Variants in RP1 observed in about 807,000 individuals in gnomAD.
The protein encoded by RP1 is RP1 axonemal microtubule associated.
RP1 carries 16 observed loss-of-function variants against 14.8 expected under a neutral mutation model. The observed-to-expected ratio is 1.08, with a 90% CI of 0.73 to 1.65. The LOEUF (loss-of-function observed/expected upper bound fraction) is 1.65, where lower values mean the gene tolerates loss of function less well. Among genes scored for constraint, RP1 ranks in the 40% most tolerant of loss-of-function variants. RP1 has a pLI of 0.00. For synonymous variants in RP1, 876 were observed against 883.6 expected (o/e 0.99, Z 0.15); for missense variants, 2,631 against 2,535.0 (o/e 1.04, Z -0.81).
At chr8:54,755,642 T>C in exon 21 of RP1, 1 of 1,536,068 alleles carries the variant, frequency 6.5e-7, no homozygotes, top group Non-Finnish European at 8.7e-7. Flanking sequence ...GGTTGACGTC[T>C]ACACTGGGCA....
intron 19 of RP1, among the ~76,000 whole-genome samples, chr8:54,754,378 G>A (rs1411202519): frequency 6.6e-6 from 1 of 151,620 alleles, no homozygotes; most frequent in Non-Finnish European, 1.5e-5. Flanking sequence ...GAAATTGAGA[G>A]CTTTGAATCT....
chr8:54,706,367 C>A, intron 14 of RP1: 1 of 1,404,422 alleles, frequency 7.1e-7, no homozygotes, highest in Non-Finnish European at 9.6e-7. Context: ...AAGAGAATTG[C>A]CTCTATAGTT....
intron 4 of RP1, among the ~76,000 whole-genome samples, chr8:54,650,388 T>C (rs1806632511): frequency 2.0e-5 from 3 of 152,198 alleles, no homozygotes; most frequent in African/African-American, 7.2e-5. Flanking sequence ...CTTTCCTTTT[T>C]CCCTGTACTT....
At position 54,585,830 on chromosome 8, in the gene RP1, C is replaced by T. The variant is rs559943877; in HGVS notation, c.-13+26510C>T. Among the ~76,000 whole-genome samples, 58 of 152,286 alleles carry T rather than the reference C, an allele frequency of 3.8e-4. No homozygotes were observed. In the Middle Eastern group the frequency reaches 0.01, roughly 27 times the overall value. ...TGCATTCATCACGTAGTTCTCGTGCCGTGGTTTTCAGCTCCATCAGGTCCT... is the reference window on the plus strand; with the variant it reads ...TGCATTCATCACGTAGTTCTCGTGCTGTGGTTTTCAGCTCCATCAGGTCCT... On this transcript the variant is annotated intron_variant, in intron 1 of 22. Transcript: ENST00000636932.
chr8:54,722,280 G>A (rs1393925853), intron 16 of RP1, among the ~76,000 whole-genome samples: 1 of 146,062 alleles, frequency 6.8e-6, no homozygotes, highest in Non-Finnish European at 1.5e-5. Context: ...TTTTTTGTGT[G>A]TGTGTGTGTG....
intron 25 of RP1, among the ~76,000 whole-genome samples, chr8:54,839,216 C>G (rs568780953): frequency 6.6e-6 from 1 of 152,204 alleles, no homozygotes; most frequent in Non-Finnish European, 1.5e-5. Context: ...GAGCCTCTCT[C>G]TAACTTCTAT....
intron 19 of RP1, among the ~76,000 whole-genome samples, chr8:54,746,942 A>G (rs10105873): frequency 6.6e-6 from 1 of 152,052 alleles, no homozygotes; most frequent in Middle Eastern, 3.2e-3. Flanking sequence ...AGATGGTGTC[A>G]GTGTCTACCT....
Position 54,629,098 on chromosome 8 carries a change from T to A in RP1, c.5216T>A (p.Val1739Glu), listed in dbSNP as rs1806172776. ...ATCCTCACAGACATAGAGGAAGGAG[T>A]ACTGATTGACAAAGGCAAATGGCTT... is the stretch of plus-strand genomic sequence containing the variant. ...SRILTDIEEG[V>E]LIDKGKWLLK... The change falls in exon 4 of 4, where the codon GTA (valine) becomes GAA (glutamate). Residue 1739 changes from valine (V) to glutamate (E), a missense_variant. Coordinates refer to ENST00000220676, the MANE Select transcript of RP1 (RefSeq NM_006269.2). 6.2e-7 allele frequency: 1 copy of A among 1,613,860 alleles called. No homozygotes were observed.
At chr8:54,762,775 C>T (rs943409660) in intron 22 of RP1, among the ~76,000 whole-genome samples, 18 of 152,196 alleles carry the variant, frequency 1.2e-4, no homozygotes, top group Non-Finnish European at 2.4e-4. Flanking sequence ...CTCACTGTCT[C>T]GGAAGGCCTG....
intron 7 of RP1, among the ~76,000 whole-genome samples, chr8:54,668,752 C>T (rs1807075757): frequency 6.6e-6 from 1 of 152,040 alleles, no homozygotes; most frequent in Non-Finnish European, 1.5e-5. Flanking sequence ...CTTTGACAAA[C>T]CTGACAAAAA....
At chr8:54,649,086 C>T (rs1368819643) in exon 4 of RP1, 1 of 1,530,290 alleles carries the variant, frequency 6.5e-7, no homozygotes, top group South Asian at 1.2e-5. Flanking sequence ...AAGTTCAGCC[C>T]CCATATATCT....
chr8:54,846,163 T>C (rs1811915771), intron 25 of RP1, among the ~76,000 whole-genome samples: 1 of 152,010 alleles, frequency 6.6e-6, no homozygotes. Flanking sequence ...GGAATCCAGA[T>C]TAAAGACAGA....
intron 5 of RP1, among the ~76,000 whole-genome samples, chr8:54,655,894 A>T (rs1034814717): frequency 7.2e-5 from 11 of 152,120 alleles, no homozygotes; most frequent in African/African-American, 2.4e-4. Context: ...GAAGATTTTT[A>T]GATAGAGGAA....
At chr8:54,859,673 T>A (rs900667357) in intron 27 of RP1, among the ~76,000 whole-genome samples, 3 of 151,952 alleles carry the variant, frequency 2.0e-5, no homozygotes, top group African/African-American at 7.3e-5. Flanking sequence ...TATGGAGTTG[T>A]TTAACTGTGG....
intron 24 of RP1, among the ~76,000 whole-genome samples, chr8:54,810,756 C>T (rs971110805): frequency 3.3e-5 from 5 of 152,296 alleles, no homozygotes; most frequent in East Asian, 3.9e-4. Context: ...AGGGAAGGCT[C>T]GGTCCAACAT....
chr8:54,740,467 T>C (rs1266253305), intron 19 of RP1, among the ~76,000 whole-genome samples: 1 of 139,514 alleles, frequency 7.2e-6, no homozygotes. Context: ...CTCACACCTA[T>C]AATCCTAGCA....
intron 24 of RP1, among the ~76,000 whole-genome samples, chr8:54,806,907 G>T (rs1464793711): frequency 6.6e-6 from 1 of 152,136 alleles, no homozygotes; most frequent in East Asian, 1.9e-4. Flanking sequence ...AATAAGCTGA[G>T]AGTGCATCAG....
intron 1 of RP1, among the ~76,000 whole-genome samples, chr8:54,606,634 G>C (rs1260830351): frequency 6.6e-6 from 1 of 152,172 alleles, no homozygotes; most frequent in East Asian, 1.9e-4. Context: ...ATCCTGCAGA[G>C]TGTTTTCCAA....
At chr8:54,610,344 A>C (rs1805562449) in intron 1 of RP1, among the ~76,000 whole-genome samples, 1 of 152,078 alleles carries the variant, frequency 6.6e-6, no homozygotes, top group Non-Finnish European at 1.5e-5. Flanking sequence ...CTATCTTTGC[A>C]GTGCTTTGGG....
Sources: gnomAD v4.1 joint callset for allele counts (sites outside exome capture counted in the v4.1 genomes callset) on GRCh38, gnomAD v4.1.1 for gene constraint, MANE v1.5 for transcripts, NCBI Gene and HGNC (gene_info 2026-07-23, HGNC 2026-07-21) for gene names.